Variants in DNAAF11 observed in about 807,000 individuals in gnomAD.
DNAAF11 encodes leucine rich repeat containing 6.
In DNAAF11, 45 loss-of-function variants were observed where a neutral mutation model predicts 60.8. The observed-to-expected ratio is 0.74, with a 90% CI of 0.58 to 0.95. DNAAF11 has a LOEUF of 0.95. Among genes scored for constraint, DNAAF11 ranks in the 40% least tolerant of loss-of-function variants. The probability of loss-of-function intolerance (pLI) is 0.00; values close to 1 mark genes in which losing one functional copy is unlikely to be tolerated. For synonymous variants in DNAAF11, 191 were observed against 183.5 expected (o/e 1.04, Z -0.33); for missense variants, 546 against 546.2 (o/e 1.00, Z 0.00).
intron 10 of DNAAF11, among the ~76,000 whole-genome samples, chr8:132,587,814 G>C (rs1816056639): frequency 1.3e-5 from 2 of 152,136 alleles, no homozygotes; most frequent in Non-Finnish European, 2.9e-5. Flanking sequence ...CTCTCATAGA[G>C]CCATGCAATT....
In DNAAF11 at chr8:132,660,612, A is replaced by T. The variant is rs571290196; in HGVS notation, c.178+848T>A. ...CTCCCTTCCCTCTTCCCTTTAATTC[A>T]TCATTCTTCTGTGAGAGAAGTCAAG... On this transcript the variant is annotated intron_variant, in intron 2 of 11. Transcript: ENST00000620350. 1.2e-4 allele frequency among the ~76,000 whole-genome samples: 19 copies of T among 152,260 alleles called. 1 individual carries two copies. In the South Asian group the frequency reaches 3.9e-3, roughly 32 times the overall value.
intron 10 of DNAAF11, among the ~76,000 whole-genome samples, chr8:132,609,776 C>T (rs1048406101): frequency 2.6e-5 from 4 of 152,160 alleles, no homozygotes; most frequent in Non-Finnish European, 2.9e-5. Context: ...CCACTTTCTC[C>T]TATCTTGATA....
At chr8:132,700,092 G>A in the DNAAF11 span, among the ~76,000 whole-genome samples, 2 of 152,164 alleles carry the variant, frequency 1.3e-5, no homozygotes, top group Non-Finnish European at 2.9e-5. Flanking sequence ...ATACCTTGAA[G>A]TGGTAAATGT....
At chr8:132,586,525 A>G (rs562088043) in intron 10 of DNAAF11, among the ~76,000 whole-genome samples, 5 of 152,286 alleles carry the variant, frequency 3.3e-5, no homozygotes, top group Non-Finnish European at 7.3e-5. Flanking sequence ...GGTGTGAACG[A>G]CCTTGTCCAT....
chr8:132,587,869 C>A (rs1816062597), intron 10 of DNAAF11, among the ~76,000 whole-genome samples: 1 of 152,164 alleles, frequency 6.6e-6, no homozygotes, highest in East Asian at 1.9e-4. Flanking sequence ...GTTCACTTTT[C>A]TACAGAATAC....
At chr8:132,660,039 G>A (rs1057432139) in intron 2 of DNAAF11, among the ~76,000 whole-genome samples, 7 of 152,104 alleles carry the variant, frequency 4.6e-5, no homozygotes, top group African/African-American at 9.7e-5. Flanking sequence ...CTGGGTTCTC[G>A]TGCCAGGGCA....
chr8:132,591,848 T>G (rs1369538717), intron 10 of DNAAF11, among the ~76,000 whole-genome samples: 2 of 152,140 alleles, frequency 1.3e-5, no homozygotes, highest in Non-Finnish European at 2.9e-5. Flanking sequence ...AAATAATTAT[T>G]TAATTATTGT....
At chr8:132,631,344 C>A (rs1448686728) in intron 5 of DNAAF11, among the ~76,000 whole-genome samples, 2 of 152,136 alleles carry the variant, frequency 1.3e-5, no homozygotes, top group Non-Finnish European at 2.9e-5. Context: ...TGGGTCAGGG[C>A]AAATGAAACA....
chr8:132,611,339 A>T lies in DNAAF11; in HGVS notation c.999T>A (p.Asp333Glu). ...GCACGTAAGTTGGTTGCACATCAAC[A>T]TCGATTAAAGAGGTATCCATATACC... ...VYRYMDTSLI[D>E]VDVQPTYVRV... The change falls in exon 9 of 12, where the codon GAT (aspartate) becomes GAA (glutamate). Residue 333 changes from aspartate (D) to glutamate (E), a missense_variant. By Grantham distance (45) the Asp-to-Glu change is conservative (BLOSUM62 2). Transcript: ENST00000620350. The T allele has an allele frequency of 6.2e-7, 1 of 1,610,944 alleles. No individual in the cohort carries two copies. Among genetic ancestry groups the T allele is most frequent in the Non-Finnish European group, 8.5e-7 (1 of 1,177,402 alleles).
intron 10 of DNAAF11, among the ~76,000 whole-genome samples, chr8:132,586,988 A>C (rs892439045): frequency 6.6e-6 from 1 of 152,228 alleles, no homozygotes; most frequent in African/African-American, 2.4e-5. Context: ...AATGTTAGTT[A>C]AAATTCATTA....
At chr8:132,657,413 A>G (rs1488112221) in intron 2 of DNAAF11, among the ~76,000 whole-genome samples, 1 of 152,222 alleles carries the variant, frequency 6.6e-6, no homozygotes, top group Non-Finnish European at 1.5e-5. Flanking sequence ...ATACTCAATC[A>G]TAAGGGAAAC....
intron 1 of DNAAF11, among the ~76,000 whole-genome samples, chr8:132,673,984 A>G (rs2130904954): frequency 6.6e-6 from 1 of 152,214 alleles, no homozygotes; most frequent in South Asian, 2.1e-4. Context: ...AATTCCCGAC[A>G]TAAAAAAGCG....
At chr8:132,575,000 T>A (rs1481214169) in intron 11 of DNAAF11, among the ~76,000 whole-genome samples, 1 of 152,102 alleles carries the variant, frequency 6.6e-6, no homozygotes, top group Non-Finnish European at 1.5e-5. Flanking sequence ...AACAAACAGT[T>A]CTCTAGGTCA....
At chr8:132,652,939 T>TA (rs948685679) in intron 3 of DNAAF11, among the ~76,000 whole-genome samples, 143 of 149,888 alleles carry the variant, frequency 9.5e-4, no homozygotes, top group African/African-American at 3.2e-3. Flanking sequence ...TCAAGTATAA[T>TA]AAAAAAAAAG....
chr8:132,654,210 T>C (rs1355388410), intron 3 of DNAAF11, among the ~76,000 whole-genome samples: 2 of 151,932 alleles, frequency 1.3e-5, no homozygotes, highest in Non-Finnish European at 2.9e-5. Flanking sequence ...ATAACATAAA[T>C]TCATCAAAAA....
the DNAAF11 span, among the ~76,000 whole-genome samples, chr8:132,698,395 GC>G: frequency 4.6e-5 from 7 of 152,072 alleles, no homozygotes; most frequent in Non-Finnish European, 8.8e-5. Flanking sequence ...TTGCAAAGCT[GC>G]TTCTCAGGGG....
chr8:132,591,991 C>T (rs1171618344), intron 10 of DNAAF11, among the ~76,000 whole-genome samples: 1 of 151,978 alleles, frequency 6.6e-6, no homozygotes, highest in East Asian at 1.9e-4. Flanking sequence ...AAATAATACT[C>T]AATTCTTTAA....
At chr8:132,700,987 G>A in the DNAAF11 span, among the ~76,000 whole-genome samples, 2 of 152,130 alleles carry the variant, frequency 1.3e-5, no homozygotes, top group African/African-American at 4.8e-5. Flanking sequence ...CAAGATCGAG[G>A]GGTTGGTATC....
At chr8:132,587,106 G>A (rs1815986609) in intron 10 of DNAAF11, among the ~76,000 whole-genome samples, 1 of 152,086 alleles carries the variant, frequency 6.6e-6, no homozygotes, top group South Asian at 2.1e-4. Flanking sequence ...TGCATAATTA[G>A]AGCCTTAAAA....
Sources: allele counts gnomAD v4.1 joint callset (sites outside exome capture counted in the v4.1 genomes callset), GRCh38; gene constraint gnomAD v4.1.1; transcripts MANE v1.5; gene names NCBI Gene and HGNC (gene_info 2026-07-23, HGNC 2026-07-21).